The following GTF2IRD1 variants were observed in gnomAD, a reference collection of about 807,000 sequenced individuals.
The protein encoded by GTF2IRD1 is GTF2I repeat domain containing 1, also known as general transcription factor II-I repeat domain-containing protein 1.
In GTF2IRD1, 26 loss-of-function variants were observed where a neutral mutation model predicts 113.2. The observed-to-expected ratio is 0.23, with a 90% CI of 0.17 to 0.32. The LOEUF (loss-of-function observed/expected upper bound fraction) is 0.32, where lower values mean the gene tolerates loss of function less well. Ranked by LOEUF, GTF2IRD1 falls within the 10% of genes least tolerant of loss-of-function variation. GTF2IRD1 has a pLI of 1.00. For synonymous variants in GTF2IRD1, 484 were observed against 529.1 expected, an observed-to-expected ratio of 0.91 and a Z score of 1.17; for missense variants, 864 against 1,280.8, an observed-to-expected ratio of 0.67 and a Z score of 4.97.
At chr7:74,600,978 A>G (rs1386009194) in intron 25 of GTF2IRD1, 66 bp from the exon 26 acceptor site, 17 of 1,563,354 alleles carry the variant, frequency 1.1e-5, no homozygotes, top group Admixed American at 5.0e-5. Flanking sequence ...TTTTCCAGGG[A>G]GCTCAGGAGG....
Position 74,557,743 on chromosome 7 carries a change from G to C in GTF2IRD1, c.2107+21G>C. 4.7e-6 allele frequency: 7 copies of C among 1,476,246 alleles called. No homozygotes were observed. The Admixed American group carries it at 5.1e-5, about 11-fold the overall frequency. The allele number at this position is 1,476,246 out of a possible 1,614,324, so 91.4% of individuals were successfully genotyped here. A position where few individuals can be genotyped will look rare whatever the true frequency, so the allele number is the denominator to read the frequency against. On this transcript the variant is annotated intron_variant, in intron 20 of 26. Coordinates refer to ENST00000424337, the MANE Select transcript of GTF2IRD1 (RefSeq NM_005685.4). ...ATACGGTAAGCAGTGCAGAACCCCC[G>C]GGGAGGGACACGCAGCTGCTGTGCA... is the stretch of plus-strand genomic sequence containing the variant.
intron 22 of GTF2IRD1, among the ~76,000 whole-genome samples, chr7:74,586,242 C>CCCAG (rs2130974243): frequency 6.6e-6 from 1 of 152,248 alleles, no homozygotes; most frequent in Non-Finnish European, 1.5e-5. Flanking sequence ...GGTCCTTGGG[C>CCCAG]CCAGGACTCC....
intron 20 of GTF2IRD1, 120 bp downstream of exon 20, chr7:74,557,842 T>A: frequency 1.6e-6 from 1 of 643,052 alleles, no homozygotes; most frequent in Admixed American, 2.8e-5. Flanking sequence ...TACATGTATT[T>A]CTTGAGCATA....
chr7:74,584,288 AC>A (rs1801594537), intron 22 of GTF2IRD1, among the ~76,000 whole-genome samples: 1 of 152,076 alleles, frequency 6.6e-6, no homozygotes, highest in African/African-American at 2.4e-5. Context: ...TACTAAAAAT[AC>A]AAAAAATTAG....
intron 1 of GTF2IRD1, among the ~76,000 whole-genome samples, chr7:74,474,483 G>A (rs1433722925): frequency 6.6e-6 from 1 of 152,232 alleles, no homozygotes; most frequent in African/African-American, 2.4e-5. Context: ...GGACTGGATT[G>A]TGGTTGACAG....
At chr7:74,579,684 C>T (rs1489577779) in intron 22 of GTF2IRD1, among the ~76,000 whole-genome samples, 6 of 151,876 alleles carry the variant, frequency 4.0e-5, no homozygotes, top group African/African-American at 1.4e-4. Context: ...CAGTGTCTTG[C>T]TGTCATTCCG....
At chr7:74,522,040 C>T (rs1797329800) in intron 7 of GTF2IRD1, among the ~76,000 whole-genome samples, 1 of 152,068 alleles carries the variant, frequency 6.6e-6, no homozygotes, top group South Asian at 2.1e-4. Context: ...CTTGACGGGG[C>T]TGCTTGAGCA....
At chr7:74,532,293 C>T (rs1391345235) in intron 9 of GTF2IRD1, among the ~76,000 whole-genome samples, 1 of 152,212 alleles carries the variant, frequency 6.6e-6, no homozygotes, top group Non-Finnish European at 1.5e-5. Context: ...GTGGCTTACA[C>T]TTGTAATCCT....
rs1275465107 is a variant in GTF2IRD1 at position 74,454,014 on chromosome 7, G to A, written c.-169G>A. On this transcript the variant is annotated 5_prime_UTR_variant, in exon 1 of 27. Coordinates refer to ENST00000424337, the MANE Select transcript of GTF2IRD1 (RefSeq NM_005685.4). ...GATTCCCCCCCCGCGCCCCCTCCCCGCGCCTCCCTCCCCGCCCTCGCCGCG... is the reference window on the plus strand; with the variant it reads ...GATTCCCCCCCCGCGCCCCCTCCCCACGCCTCCCTCCCCGCCCTCGCCGCG... The A allele has an allele frequency of 2.1e-5, 3 of 143,206 alleles. No homozygotes were observed. The highest frequency in any genetic ancestry group is 2.1e-4 in the Admixed American group (3 of 14,564). 8.9% of individuals were successfully genotyped at this position (143,206 alleles called of 1,614,324 possible).
In GTF2IRD1 at chr7:74,567,172, A is replaced by G. The variant is rs587620427; in HGVS notation, c.2320+7517A>G. Among the ~76,000 whole-genome samples, 9 of 152,126 alleles carry G rather than the reference A, an allele frequency of 5.9e-5. No individual in the cohort carries two copies. In the South Asian group the frequency reaches 1.9e-3, roughly 32 times the overall value. On this transcript the variant is annotated intron_variant, in intron 22 of 26. Transcript: ENST00000424337. ...GTGAAACCCCGTCTCTACTAAAAAT[A>G]CAAAAATTCGCTGGGCATGGTGGCG... is the stretch of plus-strand genomic sequence containing the variant.
intron 4 of GTF2IRD1, among the ~76,000 whole-genome samples, chr7:74,517,765 C>T (rs1024326820): frequency 1.3e-5 from 2 of 152,206 alleles, no homozygotes; most frequent in East Asian, 3.9e-4. Flanking sequence ...GTCCCCACTT[C>T]TCCGTCTCTT....
intron 22 of GTF2IRD1, among the ~76,000 whole-genome samples, chr7:74,587,462 A>G (rs587726885): frequency 1.5e-4 from 22 of 151,572 alleles, no homozygotes; most frequent in South Asian, 8.3e-4. Flanking sequence ...AAAAAGAAAA[A>G]AAAACAGGAG....
chr7:74,596,459 CAA>C (rs1184751959), intron 25 of GTF2IRD1, among the ~76,000 whole-genome samples: 14 of 60,478 alleles, frequency 2.3e-4, no homozygotes, highest in Non-Finnish European at 2.6e-4. Flanking sequence ...GACTCTGTCT[CAA>C]AAAAAAAAAA....
intron 20 of GTF2IRD1, 21 bp downstream of exon 20, chr7:74,557,743 G>A (rs201886116): frequency 6.3e-5 from 93 of 1,476,246 alleles, no homozygotes; most frequent in African/African-American, 8.3e-5. Context: ...CAGAACCCCC[G>A]GGGAGGGACA....
intron 25 of GTF2IRD1, among the ~76,000 whole-genome samples, chr7:74,600,481 G>A (rs1216258306): frequency 6.6e-6 from 1 of 152,104 alleles, no homozygotes; most frequent in Admixed American, 6.6e-5. Context: ...GGCCGAGGTG[G>A]ATGGATCACT....
Position 74,602,591 on chromosome 7 carries a change from GAAA to G in GTF2IRD1, c.*170_*172del, listed in dbSNP as rs56797334. The stretch of plus-strand genomic sequence containing the variant: ...AGGCCTTTTTAAATAAGTAAAAAAA[GAAA>G]AAAAAAAAAAAGAGTGTTGCCTTTA... On this transcript the variant is annotated 3_prime_UTR_variant, in exon 27 of 27. Coordinates refer to ENST00000424337, the MANE Select transcript of GTF2IRD1 (RefSeq NM_005685.4). 1.8e-3 allele frequency: 652 copies of G among 370,348 alleles called. No individual in the cohort carries two copies. Among genetic ancestry groups the G allele is most frequent in the East Asian group, 5.5e-3 (126 of 22,896 alleles). The allele number at this position is 370,348 out of a possible 1,614,324, so 22.9% of individuals were successfully genotyped here.
chr7:74,590,545 C>T (rs587702700), intron 23 of GTF2IRD1, among the ~76,000 whole-genome samples: 8 of 152,168 alleles, frequency 5.3e-5, no homozygotes, highest in African/African-American at 7.2e-5. Context: ...CCCGCCACCA[C>T]GCCCGGCTAA....
intron 7 of GTF2IRD1, among the ~76,000 whole-genome samples, chr7:74,521,927 G>T (rs797041690): frequency 2.2e-4 from 33 of 152,234 alleles, no homozygotes; most frequent in African/African-American, 7.9e-4. Context: ...GTTGGCTGGG[G>T]CTGCTGTCAT....
Position 74,557,663 on chromosome 7 carries a change from G to A in GTF2IRD1, c.2048G>A (p.Arg683Gln), listed in dbSNP as rs1554357510. 3.1e-6 allele frequency: 5 copies of A among 1,613,628 alleles called. 1 individual carries two copies. Among genetic ancestry groups the A allele is most frequent in the South Asian group, 2.2e-5 (2 of 91,052 alleles). ...GAAAATTATGACGCGAGGCTCTCAC[G>A]GATCGACATCGCCAACACACTAAGG... Reference protein sequence around the residue: ...FQENYDARLSRIDIANTLREQ... With the variant: ...FQENYDARLSQIDIANTLREQ... Residue 683 changes from arginine (R) to glutamine (Q), a missense_variant, in exon 20 of 27, where the codon CGG becomes CAG. Transcript: ENST00000424337.
Sources: gnomAD v4.1 joint callset for allele counts (sites outside exome capture counted in the v4.1 genomes callset) on GRCh38, gnomAD v4.1.1 for gene constraint, MANE v1.5 for transcripts, NCBI Gene and HGNC (gene_info 2026-07-23, HGNC 2026-07-21) for gene names.